DENND6B: variants seen among roughly 807,000 people sequenced by gnomAD.
DENND6B encodes DENN domain containing 6B.
DENND6B carries 73 observed loss-of-function variants against 85.1 expected under a neutral mutation model. That is an observed-to-expected ratio of 0.86 (90% confidence interval 0.71 to 1.04). The LOEUF (loss-of-function observed/expected upper bound fraction) is 1.04, where lower values mean the gene tolerates loss of function less well. Ranked by LOEUF, DENND6B falls within the 50% of genes least tolerant of loss-of-function variation. DENND6B has a pLI of 0.00. For missense variants in DENND6B, 715 were observed against 785.8 expected, an observed-to-expected ratio of 0.91 and a Z score of 1.08; for synonymous variants, 357 against 329.3, an observed-to-expected ratio of 1.08 and a Z score of -0.91.
Position 50,315,800 on chromosome 22 carries a change from A to G in DENND6B, c.703-31T>C, listed in dbSNP as rs543350635. ...AGGAGGAGAGTGAAGGTCAGGGCCAAGGGGAGGCTGGCACCCCTTGGGCCC... is the reference window on the plus strand; with the variant it reads ...AGGAGGAGAGTGAAGGTCAGGGCCAGGGGGAGGCTGGCACCCCTTGGGCCC... On this transcript the variant is annotated intron_variant, in intron 8 of 19. Transcript: ENST00000413817. 5.3e-6 allele frequency: 8 copies of G among 1,501,970 alleles called. No homozygotes were observed. In the African/African-American group the frequency reaches 5.6e-5, roughly 10 times the overall value. The allele number at this position is 1,501,970 out of a possible 1,614,324, so 93.0% of individuals were successfully genotyped here.
rs757681384 is a variant in DENND6B at position 50,313,626 on chromosome 22, G to A, written c.1293+9C>T. 2.0e-5 allele frequency: 26 copies of A among 1,324,606 alleles called. No homozygotes were observed. The highest frequency in any genetic ancestry group is 8.6e-5 in the East Asian group (2 of 23,122). The allele number at this position is 1,324,606 out of a possible 1,614,324, so 82.1% of individuals were successfully genotyped here. On this transcript the variant is annotated intron_variant, in intron 15 of 19. Transcript: ENST00000413817. Reference sequence around the variant, plus strand: ...CCCCAGTCCCATGTCCCCCAGCCCCGGGCCTCACCAGGGGGATGATGAAGC... The same window carrying A: ...CCCCAGTCCCATGTCCCCCAGCCCCAGGCCTCACCAGGGGGATGATGAAGC...
chr22:50,323,376 A>C (rs184883011), intron 1 of DENND6B, among the ~76,000 whole-genome samples: 3 of 129,954 alleles, frequency 2.3e-5, no homozygotes, highest in East Asian at 4.6e-4. Flanking sequence ...TGCAACCTCC[A>C]CCTCCCGGGT....
chr22:50,315,590 ACGTGCACT>A (rs2041782798), intron 9 of DENND6B, 116 bp downstream of exon 9: 1 of 1,168,108 alleles, frequency 8.6e-7, no homozygotes. Context: ...ACACGTGCAC[ACGTGCACT>A]CACGCAGACA....
At chr22:50,314,736 G>A (rs760295608) in intron 10 of DENND6B, 36 bp from the exon 11 acceptor site, 1 of 1,571,556 alleles carries the variant, frequency 6.4e-7, no homozygotes, top group Non-Finnish European at 8.6e-7. Context: ...GGTGAGGCAG[G>A]GGCAGCCCAG....
chr22:50,315,818 T>C (rs1460104257), intron 8 of DENND6B, 49 bp from the exon 9 acceptor site: 2 of 1,485,006 alleles, frequency 1.3e-6, no homozygotes, highest in East Asian at 2.4e-5. Context: ...CTGGCACCCC[T>C]TGGGCCCCAA....
chr22:50,312,033 G>C lies in DENND6B; in HGVS notation c.*106C>G. 1 of 1,500,488 alleles carries C rather than the reference G, an allele frequency of 6.7e-7. No homozygotes were observed. Among genetic ancestry groups the C allele is most frequent in the Admixed American group, 2.2e-5 (1 of 45,076 alleles). The allele number at this position is 1,500,488 out of a possible 1,614,324, so 92.9% of individuals were successfully genotyped here. Reference sequence around the variant, plus strand: ...GGAAGGGGAGCCTGCAGTCTGGGCGGGGGGCCAAGGAAGGGGAGCGTGTGC... The same window carrying C: ...GGAAGGGGAGCCTGCAGTCTGGGCGCGGGGCCAAGGAAGGGGAGCGTGTGC... On this transcript the variant is annotated 3_prime_UTR_variant, in exon 20 of 20. Transcript: ENST00000413817.
In DENND6B at chr22:50,326,900, G is replaced by A. The variant is rs1206927767; in HGVS notation, c.89C>T (p.Thr30Ile). 8 of 1,394,056 alleles carry A rather than the reference G, an allele frequency of 5.7e-6. No homozygotes were observed. The highest frequency in any genetic ancestry group is 7.4e-6 in the Non-Finnish European group (8 of 1,074,012). The allele number at this position is 1,394,056 out of a possible 1,614,324, so 86.4% of individuals were successfully genotyped here. A position where few individuals can be genotyped will look rare whatever the true frequency, so the allele number is the denominator to read the frequency against. Residue 30 changes from threonine (T) to isoleucine (I), a missense_variant, in exon 1 of 20, where the codon ACC becomes ATC. Thr to Ile is a moderately conservative substitution (Grantham distance 89, BLOSUM62 -1). Transcript: ENST00000413817. ...GPTSSGRAAR[T>I]PAAPWARFSA... ...GAAGCGCGCCCAGGGCGCCGCCGGG[G>A]TCCGCGCCGCGCGACCTGAAGACGT...
chr22:50,317,887 G>T, intron 4 of DENND6B, 21 bp downstream of exon 4: 1 of 1,596,062 alleles, frequency 6.3e-7, no homozygotes, highest in South Asian at 1.1e-5. Context: ...AAGCAGGCCA[G>T]AGACGCAGCC....
intron 1 of DENND6B, among the ~76,000 whole-genome samples, chr22:50,326,494 G>A (rs964022068): frequency 2.0e-5 from 3 of 152,244 alleles, no homozygotes; most frequent in African/African-American, 7.2e-5. Context: ...AGCCACTGAG[G>A]GGATGAAGGT....
In DENND6B at chr22:50,314,274, T is replaced by C; in HGVS notation, c.1073-2A>G. 1 of 1,609,302 alleles carries C rather than the reference T, an allele frequency of 6.2e-7. No individual in the cohort carries two copies. On this transcript the variant is annotated splice_acceptor_variant, in intron 12 of 19. Transcript: ENST00000413817. LOFTEE classifies it high-confidence loss of function. ...GCTTGACTTGCTTAGGCAGGTCTCC[T>C]ACGAGACACGCCCGGTGGCCAGGCC...
At position 50,310,607 on chromosome 22, in the gene DENND6B, A is replaced by G. The variant is rs1477806257; in HGVS notation, c.*1532T>C. ...GAACACAAACAGTACGTTGCGCTGAATGAAGGCTACATTCCTCGGACTGAA... is the reference window on the plus strand; with the variant it reads ...GAACACAAACAGTACGTTGCGCTGAGTGAAGGCTACATTCCTCGGACTGAA... On this transcript the variant is annotated 3_prime_UTR_variant, in exon 20 of 20. Coordinates refer to ENST00000413817, the MANE Select transcript of DENND6B (RefSeq NM_001001794.4). 6.6e-6 allele frequency: 1 copy of G among 152,198 alleles called. No homozygotes were observed. The highest frequency in any genetic ancestry group is 1.5e-5 in the Non-Finnish European group (1 of 68,042). 9.4% of individuals were successfully genotyped at this position (152,198 alleles called of 1,614,324 possible). A position where few individuals can be genotyped will look rare whatever the true frequency, so the allele number is the denominator to read the frequency against.
At chr22:50,325,082 C>T (rs766943245) in intron 1 of DENND6B, among the ~76,000 whole-genome samples, 7 of 152,094 alleles carry the variant, frequency 4.6e-5, no homozygotes, top group Non-Finnish European at 7.3e-5. Flanking sequence ...GCTCAGGCCC[C>T]GGTGGATCCA....
intron 12 of DENND6B, 37 bp from the exon 13 acceptor site, chr22:50,314,309 G>A (rs778790853): frequency 7.2e-5 from 115 of 1,600,860 alleles, no homozygotes; most frequent in Non-Finnish European, 8.5e-5. Flanking sequence ...CTCAGTGCCC[G>A]CAGCTCTGGC....
chr22:50,315,902 G>C (rs1739963747), intron 8 of DENND6B, 123 bp downstream of exon 8: 8 of 1,541,614 alleles, frequency 5.2e-6, no homozygotes, highest in African/African-American at 1.4e-5. Flanking sequence ...CTGTGGCTTT[G>C]CCTGGGTTTG....
intron 5 of DENND6B, 174 bp downstream of exon 5, chr22:50,317,119 C>T (rs1285630719): frequency 4.2e-5 from 17 of 402,874 alleles, no homozygotes; most frequent in Non-Finnish European, 6.1e-5. Flanking sequence ...GGGTGGGGGG[C>T]GGCGAGGACA....
intron 1 of DENND6B, among the ~76,000 whole-genome samples, chr22:50,323,607 G>A (rs773167634): frequency 2.6e-5 from 4 of 151,732 alleles, no homozygotes; most frequent in Admixed American, 6.6e-5. Context: ...TTTTTGTAGA[G>A]ATGTGGGTTT....
rs375200663 is a variant in DENND6B at position 50,314,866 on chromosome 22, C to T, written c.814G>A (p.Gly272Arg). The T allele has an allele frequency of 2.5e-6, 4 of 1,612,104 alleles. No homozygotes were observed. The highest frequency in any genetic ancestry group is 2.2e-5 in the East Asian group (1 of 44,878). ...MQTLWELMLL[G>R]EPLLVLAPSP... is the part of the protein sequence containing the mutation. ...GGTGCCAGGACTAGCAGGGGCTCCCCGAGGAGCATGAGCTCCCACAGTGTC... is the reference window on the plus strand; with the variant it reads ...GGTGCCAGGACTAGCAGGGGCTCCCTGAGGAGCATGAGCTCCCACAGTGTC... Residue 272 changes from glycine (G) to arginine (R), a missense_variant, in exon 10 of 20, where the codon GGG becomes AGG. Coordinates refer to ENST00000413817, the MANE Select transcript of DENND6B (RefSeq NM_001001794.4).
chr22:50,313,923 C>T, intron 13 of DENND6B, 45 bp from the exon 14 acceptor site: 1 of 1,560,796 alleles, frequency 6.4e-7, no homozygotes, highest in Admixed American at 1.8e-5. Context: ...AAGGGCCTCC[C>T]TCCCACACTC....
intron 9 of DENND6B, 117 bp downstream of exon 9, chr22:50,315,597 C>G (rs2041783039): frequency 8.0e-7 from 1 of 1,256,936 alleles, no homozygotes; most frequent in Non-Finnish European, 1.1e-6. Context: ...CACACGTGCA[C>G]TCACGCAGAC....
Sources: gnomAD v4.1 joint callset for allele counts (sites outside exome capture counted in the v4.1 genomes callset) on GRCh38, gnomAD v4.1.1 for gene constraint, MANE v1.5 for transcripts, NCBI Gene and HGNC (gene_info 2026-07-23, HGNC 2026-07-21) for gene names.